CCDC74B: variants seen among roughly 807,000 people sequenced by gnomAD.
CCDC74B encodes the protein coiled-coil domain-containing protein 74B.
In CCDC74B, 34 loss-of-function variants were observed where a neutral mutation model predicts 38.0. The ratio of observed to expected loss-of-function variants is 0.89; its 90% confidence interval spans 0.68 to 1.19. CCDC74B has a LOEUF of 1.19. Among genes scored for constraint, CCDC74B ranks in the 50% most tolerant of loss-of-function variants. The pLI is 0.00. For missense variants in CCDC74B, 358 were observed against 406.0 expected, an observed-to-expected ratio of 0.88 and a Z score of 1.02; for synonymous variants, 132 against 170.4, an observed-to-expected ratio of 0.77 and a Z score of 1.76.
chr2:130,144,316 T>C (rs1383200972), intron 1 of CCDC74B: 1 of 559,704 alleles, frequency 1.8e-6, no homozygotes, highest in Non-Finnish European at 3.2e-6. Flanking sequence ...ACTTTTTGTA[T>C]TTTTAGTAGA....
intron 2 of CCDC74B, 142 bp downstream of exon 2, chr2:130,143,127 G>T: frequency 6.6e-7 from 1 of 1,519,740 alleles, no homozygotes; most frequent in Non-Finnish European, 8.8e-7. Context: ...AGAGGTAGCG[G>T]CATCTGTCCA....
At chr2:130,143,005 A>G in intron 2 of CCDC74B, 2 of 1,497,964 alleles carry the variant, frequency 1.3e-6, no homozygotes, top group African/African-American at 1.4e-5. Flanking sequence ...TGGAGGAGGG[A>G]GGTCTGGGGA....
intron 4 of CCDC74B, chr2:130,140,845 C>T: frequency 4.5e-6 from 1 of 222,342 alleles, no homozygotes; most frequent in Non-Finnish European, 7.8e-6. Context: ...CAAGCCTTCT[C>T]TTGGTCAGAA....
chr2:130,142,509 C>G lies in CCDC74B; in HGVS notation c.296-326G>C, dbSNP rs558593760. The G allele has an allele frequency of 5.1e-6, 8 of 1,558,138 alleles. No homozygotes were observed. In the East Asian group the frequency reaches 1.7e-4, roughly 32 times the overall value. On this transcript the variant is annotated intron_variant, in intron 2 of 7. Transcript: ENST00000409943. ...GCTGCCGACTTGGGCCACACTTTGCCCAGAACAGCTCACTGGAGTTGCCAC... is the reference window on the plus strand; with the variant it reads ...GCTGCCGACTTGGGCCACACTTTGCGCAGAACAGCTCACTGGAGTTGCCAC...
In CCDC74B at chr2:130,142,714, G is replaced by A. The variant is rs765001021; in HGVS notation, c.296-531C>T. On this transcript the variant is annotated intron_variant, in intron 2 of 7. Coordinates refer to ENST00000409943, the MANE Select transcript of CCDC74B (RefSeq NM_001258307.2). ...GAAGTGAGCTCGAGACCACAACCCA[G>A]AATCCTGGGCTGGGTGGGGGCCGCT... 11 of 1,547,352 alleles carry A rather than the reference G, an allele frequency of 7.1e-6. No homozygotes were observed. The South Asian group carries it at 1.3e-4, about 19-fold the overall frequency.
At chr2:130,143,346 G>A in intron 1 of CCDC74B, 33 bp from the exon 2 acceptor site, 2 of 1,613,726 alleles carry the variant, frequency 1.2e-6, no homozygotes, top group Non-Finnish European at 1.7e-6. Flanking sequence ...CTCAGCACTT[G>A]TGAAACCACA....
chr2:130,139,355 A>C lies in CCDC74B; in HGVS notation c.*200T>G. The C allele has an allele frequency of 1.5e-6, 1 of 656,766 alleles. No individual in the cohort carries two copies. The highest frequency in any genetic ancestry group is 2.6e-6 in the Non-Finnish European group (1 of 389,312). 40.7% of individuals were successfully genotyped at this position (656,766 alleles called of 1,614,324 possible). A position where few individuals can be genotyped will look rare whatever the true frequency, so the allele number is the denominator to read the frequency against. ...GATACCTGCTTCATCGTGTGCTTTT[A>C]TGTAAATGCCAAATAGCAAAATAAC... On this transcript the variant is annotated 3_prime_UTR_variant, in exon 8 of 8. Coordinates refer to ENST00000409943, the MANE Select transcript of CCDC74B (RefSeq NM_001258307.2).
chr2:130,142,292 C>G, intron 2 of CCDC74B, 109 bp from the exon 3 acceptor site: 3 of 1,606,764 alleles, frequency 1.9e-6, no homozygotes, highest in South Asian at 1.1e-5. Flanking sequence ...GGGCTGGGTC[C>G]TCCCGGCTCT....
At chr2:130,142,429 G>A in intron 2 of CCDC74B, 1 of 1,613,486 alleles carries the variant, frequency 6.2e-7, no homozygotes, top group Non-Finnish European at 8.5e-7. Context: ...GGTCCCGAGG[G>A]AGAGCATGGC....
chr2:130,140,147 C>T (rs1431600394), intron 5 of CCDC74B, 32 bp downstream of exon 5: 3 of 1,611,656 alleles, frequency 1.9e-6, no homozygotes, highest in Non-Finnish European at 2.5e-6. Context: ...TGCCAGACTG[C>T]CCAGGGCCAC....
Position 130,145,078 on chromosome 2 carries a change from A to T in CCDC74B, c.-82T>A. On this transcript the variant is annotated 5_prime_UTR_variant, in exon 1 of 8. The change abolishes an upstream ATG in the 5' untranslated region. Transcript: ENST00000409943. ...CGCCCTAGCCTGGCGCCCCGTCACC[A>T]TGGAAACCGGGCGACGGAGGGCGCC... 1 of 1,391,868 alleles carries T rather than the reference A, an allele frequency of 7.2e-7. No individual in the cohort carries two copies. The highest frequency in any genetic ancestry group is 2.8e-5 in the East Asian group (1 of 35,418). 86.2% of individuals were successfully genotyped at this position (1,391,868 alleles called of 1,614,324 possible).
At chr2:130,143,876 T>G (rs1164438898) in intron 1 of CCDC74B, among the ~76,000 whole-genome samples, 1 of 134,902 alleles carries the variant, frequency 7.4e-6, no homozygotes, top group African/African-American at 2.8e-5. Flanking sequence ...CGGAGCCACA[T>G]CCCACATCCT....
rs370509041 is a variant in CCDC74B at position 130,139,548 on chromosome 2, G to A, written c.*7C>T. ...GGTGGGCCTGGCACTGACCAGATGC[G>A]GGTAGCTCAAAGCACCGAGCGATGC... On this transcript the variant is annotated 3_prime_UTR_variant, in exon 8 of 8. Transcript: ENST00000409943. 5.5e-5 allele frequency: 89 copies of A among 1,613,204 alleles called. No homozygotes were observed. Among genetic ancestry groups the A allele is most frequent in the African/African-American group, 9.3e-5 (7 of 74,932 alleles).
intron 3 of CCDC74B, chr2:130,141,859 C>A: frequency 1.4e-6 from 1 of 709,248 alleles, no homozygotes; most frequent in Non-Finnish European, 2.2e-6. Context: ...AGGCGGCCAC[C>A]CGGGGAGGCC....
chr2:130,145,037 G>A lies in CCDC74B; in HGVS notation c.-41C>T, dbSNP rs1685954549. On this transcript the variant is annotated 5_prime_UTR_variant, in exon 1 of 8. Coordinates refer to ENST00000409943, the MANE Select transcript of CCDC74B (RefSeq NM_001258307.2). Reference sequence around the variant, plus strand: ...TACTCTCCCGCTGCCACTGCACCCCGGCTCAGTGGCCAGGCCGCCCTAGCC... The same window carrying A: ...TACTCTCCCGCTGCCACTGCACCCCAGCTCAGTGGCCAGGCCGCCCTAGCC... The A allele has an allele frequency of 1.4e-6, 2 of 1,401,252 alleles. No homozygotes were observed. Among genetic ancestry groups the A allele is most frequent in the Non-Finnish European group, 1.9e-6 (2 of 1,070,012 alleles). The allele number at this position is 1,401,252 out of a possible 1,614,324, so 86.8% of individuals were successfully genotyped here.
chr2:130,143,824 C>G (rs1443978021), intron 1 of CCDC74B, among the ~76,000 whole-genome samples: 1 of 151,374 alleles, frequency 6.6e-6, no homozygotes, highest in Non-Finnish European at 1.5e-5. Flanking sequence ...GCCGCGGGCA[C>G]TGGTGCCCTT....
intron 2 of CCDC74B, chr2:130,142,420 G>C (rs757458329): frequency 5.0e-6 from 8 of 1,613,406 alleles, no homozygotes; most frequent in Non-Finnish European, 6.8e-6. Context: ...GGAACAGCAG[G>C]TCCCGAGGGA....
In CCDC74B at chr2:130,143,053, G is replaced by C. The variant is rs1056569505; in HGVS notation, c.295+216C>G. 39 of 1,489,196 alleles carry C rather than the reference G, an allele frequency of 2.6e-5. No homozygotes were observed. The African/African-American group carries it at 4.9e-4, about 19-fold the overall frequency. 92.2% of individuals were successfully genotyped at this position (1,489,196 alleles called of 1,614,324 possible). The stretch of plus-strand genomic sequence containing the variant: ...CACCTCCCCACTGCAATGACCTCAG[G>C]CCCTGGGCTTCCTGAGAGCAGCACG... On this transcript the variant is annotated intron_variant, in intron 2 of 7. Coordinates refer to ENST00000409943, the MANE Select transcript of CCDC74B (RefSeq NM_001258307.2).
At chr2:130,143,084 T>TGCTTG in intron 2 of CCDC74B, 185 bp downstream of exon 2, 1 of 1,485,534 alleles carries the variant, frequency 6.7e-7, no homozygotes, top group Non-Finnish European at 9.0e-7. Context: ...GCACGTGCTG[T>TGCTTG]GCTTGGCTGC....
Sources: gnomAD v4.1 joint callset for allele counts (sites outside exome capture counted in the v4.1 genomes callset) on GRCh38, gnomAD v4.1.1 for gene constraint, MANE v1.5 for transcripts, NCBI Gene and HGNC (gene_info 2026-07-23, HGNC 2026-07-21) for gene names.